The following STK11 variants were observed in gnomAD, a reference collection of about 807,000 sequenced individuals.
The protein encoded by STK11 is serine/threonine-protein kinase STK11.
In STK11, 8 loss-of-function variants were observed where a neutral mutation model predicts 47.3. That is an observed-to-expected ratio of 0.17 (90% confidence interval 0.10 to 0.31). The LOEUF (loss-of-function observed/expected upper bound fraction) is 0.31. Among genes scored for constraint, STK11 ranks in the 10% least tolerant of loss-of-function variants. The pLI, the probability that STK11 is intolerant of heterozygous loss-of-function variation, is 1.00. For missense variants in STK11, 475 were observed against 605.0 expected, an observed-to-expected ratio of 0.79 and a Z score of 2.25; for synonymous variants, 330 against 255.8, an observed-to-expected ratio of 1.29 and a Z score of -2.77.
chr19:1,207,127 C>T lies in STK11; in HGVS notation c.214C>T (p.Leu72=), dbSNP rs776369486. 17 of 1,613,744 alleles carry T rather than the reference C, an allele frequency of 1.1e-5. No individual in the cohort carries two copies. Among genetic ancestry groups the T allele is most frequent in the Non-Finnish European group, 1.4e-5 (17 of 1,179,796 alleles). The part of the protein sequence containing the change: ...KVKEVLDSET[L]CRRAVKILKK... The stretch of plus-strand genomic sequence containing the variant: ...GAAGGAGGTGCTGGACTCGGAGACG[C>T]TGTGCAGGAGGGCCGTCAAGATCCT... The change falls in exon 1 of 10, where the codon CTG becomes TTG. Residue 72 remains leucine, a synonymous_variant. Coordinates refer to ENST00000326873, the MANE Select transcript of STK11 (RefSeq NM_000455.5).
intron 1 of STK11, among the ~76,000 whole-genome samples, chr19:1,207,579 C>A (rs2080676711): frequency 6.6e-6 from 1 of 152,198 alleles, no homozygotes. Flanking sequence ...TTGTTTGGGC[C>A]CCGAGAGTTT....
chr19:1,222,874 TC>T (rs869036720), intron 7 of STK11, 110 bp from the exon 8 acceptor site: 18 of 1,280,482 alleles, frequency 1.4e-5, no homozygotes, highest in Non-Finnish European at 1.8e-5. Flanking sequence ...CACGGCCTGG[TC>T]CCAGCTCCTG....
rs2145431392 is a variant in STK11, at chr19:1,223,144, C to T, written c.1080C>T (p.Ile360=). ...DEDLFDIEDD[I]IYTQDFTVPG... The stretch of plus-strand genomic sequence containing the variant: ...ACCTCTTCGACATCGAGGATGACAT[C>T]ATCTACACTCAGGACTTCACGGTGC... Residue 360 remains isoleucine (I), a synonymous_variant, in exon 8 of 10, where the codon ATC becomes ATT. Transcript: ENST00000326873. The T allele has an allele frequency of 1.2e-6, 2 of 1,611,574 alleles. No individual in the cohort carries two copies. The highest frequency in any genetic ancestry group is 1.1e-5 in the South Asian group (1 of 90,820).
At chr19:1,213,573 G>A (rs563949784) in intron 1 of STK11, among the ~76,000 whole-genome samples, 204 of 152,316 alleles carry the variant, frequency 1.3e-3, no homozygotes, top group African/African-American at 4.7e-3. Flanking sequence ...TGTCCTCAAG[G>A]GGCATCCGCG....
At chr19:1,216,156 G>A (rs142539991) in intron 1 of STK11, 39 of 158,842 alleles carry the variant, frequency 2.5e-4, no homozygotes, top group African/African-American at 8.9e-4. Context: ...CAATTCAGTG[G>A]CATTAAGTAC....
intron 1 of STK11, among the ~76,000 whole-genome samples, chr19:1,214,073 C>T (rs1406563584): frequency 6.6e-6 from 1 of 152,268 alleles, no homozygotes; most frequent in Non-Finnish European, 1.5e-5. Flanking sequence ...CGTGGCACCT[C>T]GGAGCGGCTG....
At chr19:1,210,858 G>A (rs953477615) in intron 1 of STK11, among the ~76,000 whole-genome samples, 14 of 146,158 alleles carry the variant, frequency 9.6e-5, no homozygotes, top group African/African-American at 2.0e-4. Context: ...GTGAAACTCC[G>A]TCTCGAAAAA....
rs781511279 is a variant in STK11 at position 1,207,078 on chromosome 19, G to A, written c.165G>A (p.Leu55=). ...GCAAGTACCTGATGGGGGACCTGCT[G>A]GGGGAAGGCTCTTACGGCAAGGTGA... ...LIGKYLMGDL[L]GEGSYGKVKE... Residue 55 remains leucine, a synonymous_variant, in exon 1 of 10, where the codon CTG becomes CTA. Coordinates refer to ENST00000326873, the MANE Select transcript of STK11 (RefSeq NM_000455.5). 2 of 1,613,982 alleles carry A rather than the reference G, an allele frequency of 1.2e-6. No individual in the cohort carries two copies. Among genetic ancestry groups the A allele is most frequent in the Middle Eastern group, 1.6e-4 (1 of 6,062 alleles).
Position 1,227,800 on chromosome 19 carries a change from T to C in STK11, c.*224T>C. The C allele has an allele frequency of 9.3e-7, 1 of 1,073,674 alleles. No homozygotes were observed. Among genetic ancestry groups the C allele is most frequent in the Non-Finnish European group, 1.1e-6 (1 of 884,464 alleles). The allele number at this position is 1,073,674 out of a possible 1,614,324, so 66.5% of individuals were successfully genotyped here. A position where few individuals can be genotyped will look rare whatever the true frequency, so the allele number is the denominator to read the frequency against. On this transcript the variant is annotated 3_prime_UTR_variant, in exon 10 of 10. Transcript: ENST00000326873. The stretch of plus-strand genomic sequence containing the variant: ...CCGCCCGGCAGTGCACGCGGCTTGT[T>C]GACTTCGCAGCCCCGGGCGGAGCCT...
At chr19:1,210,889 G>A (rs2080705400) in intron 1 of STK11, among the ~76,000 whole-genome samples, 1 of 147,610 alleles carries the variant, frequency 6.8e-6, no homozygotes, top group South Asian at 2.2e-4. Flanking sequence ...GGGGCCGGGC[G>A]TGGTGGCTCA....
intron 2 of STK11, among the ~76,000 whole-genome samples, chr19:1,218,879 AC>A (rs1184301032): frequency 1.3e-5 from 2 of 152,146 alleles, no homozygotes; most frequent in Non-Finnish European, 2.9e-5. Flanking sequence ...CATGGGTCTT[AC>A]GGGCACAGCC....
rs893914050 is a variant in STK11, at chr19:1,206,634, C to A, written c.-280C>A. ...CGGGCCGTCTCCCAGTTCTGAGGCCCGGGTCCCACTGGAACTCGCGTCTGA... is the reference window on the plus strand; with the variant it reads ...CGGGCCGTCTCCCAGTTCTGAGGCCAGGGTCCCACTGGAACTCGCGTCTGA... On this transcript the variant is annotated 5_prime_UTR_variant, in exon 1 of 10. Transcript: ENST00000326873. 7.8e-6 allele frequency: 4 copies of A among 512,648 alleles called. No homozygotes were observed. The highest frequency in any genetic ancestry group is 3.3e-5 in the East Asian group (1 of 30,278). 31.8% of individuals were successfully genotyped at this position (512,648 alleles called of 1,614,324 possible).
intron 1 of STK11, among the ~76,000 whole-genome samples, chr19:1,210,806 G>C (rs1265864448): frequency 6.6e-6 from 1 of 151,780 alleles, no homozygotes; most frequent in Non-Finnish European, 1.5e-5. Flanking sequence ...AGGTTGCGGT[G>C]AGCCAAGACC....
At chr19:1,207,291 C>G (rs960667218) in intron 1 of STK11, 88 bp downstream of exon 1, 1 of 1,470,636 alleles carries the variant, frequency 6.8e-7, no homozygotes. Flanking sequence ...CTCCCTCCCT[C>G]CCTTACTTCC....
At position 1,218,754 on chromosome 19, in the gene STK11, C is replaced by T. The variant is rs116773689; in HGVS notation, c.374+254C>T. 5.6e-3 allele frequency among the ~76,000 whole-genome samples: 860 copies of T among 152,344 alleles called. 9 individuals are homozygous for T. The highest frequency in any genetic ancestry group is 0.02 in the African/African-American group (843 of 41,584). On this transcript the variant is annotated intron_variant, in intron 2 of 9. Coordinates refer to ENST00000326873, the MANE Select transcript of STK11 (RefSeq NM_000455.5). Reference sequence around the variant, plus strand: ...AGTCCCTTTTTTCTCAGAGTCTCCTCCCAGGCTAACCAGGGGTGTAGCCAC... The same window carrying T: ...AGTCCCTTTTTTCTCAGAGTCTCCTTCCAGGCTAACCAGGGGTGTAGCCAC...
At chr19:1,219,018 G>A (rs1214482757) in intron 2 of STK11, among the ~76,000 whole-genome samples, 1 of 152,200 alleles carries the variant, frequency 6.6e-6, no homozygotes, top group Non-Finnish European at 1.5e-5. Flanking sequence ...ATGGGCCCGA[G>A]CCTGCTTGGG....
chr19:1,209,384 A>G (rs193040495), intron 1 of STK11, among the ~76,000 whole-genome samples: 2,810 of 152,038 alleles, frequency 0.018, 37 homozygotes, highest in Middle Eastern at 0.037. Context: ...GGAGTTCGAG[A>G]CCAGCCTGGC....
intron 1 of STK11, among the ~76,000 whole-genome samples, chr19:1,210,854 C>T (rs1487124047): frequency 6.6e-6 from 1 of 151,120 alleles, no homozygotes; most frequent in East Asian, 2.0e-4. Context: ...AAGAGTGAAA[C>T]TCCGTCTCGA....
intron 1 of STK11, among the ~76,000 whole-genome samples, chr19:1,208,147 G>T (rs534657069): frequency 1.6e-3 from 239 of 152,156 alleles, no homozygotes; most frequent in African/African-American, 5.0e-3. Context: ...CGAGGGACTG[G>T]CAAGGACACC....
Sources: allele counts gnomAD v4.1 joint callset (sites outside exome capture counted in the v4.1 genomes callset), GRCh38; gene constraint gnomAD v4.1.1; transcripts MANE v1.5; gene names NCBI Gene and HGNC (gene_info 2026-07-23, HGNC 2026-07-21).